ADIPOR2: variants seen among roughly 807,000 people sequenced by gnomAD.
ADIPOR2 encodes adiponectin receptor protein 2.
In ADIPOR2, 18 loss-of-function variants were observed where a neutral mutation model predicts 40.9. The observed-to-expected ratio is 0.44, with a 90% confidence interval of 0.30 to 0.65. The LOEUF is 0.65. Among genes scored for constraint, ADIPOR2 ranks in the 30% least tolerant of loss-of-function variants. ADIPOR2 has a pLI of 0.09. For missense variants in ADIPOR2, 283 were observed against 479.2 expected (o/e 0.59, Z 3.82); for synonymous variants, 165 against 166.4 (o/e 0.99, Z 0.06).
chr12:1,748,046 A>T (rs1307898435), intron 1 of ADIPOR2, among the ~76,000 whole-genome samples: 1 of 152,018 alleles, frequency 6.6e-6, no homozygotes, highest in Non-Finnish European at 1.5e-5. Flanking sequence ...CTTTTAGAGT[A>T]CCAAACTGTG....
chr12:1,735,110 A>C (rs1453346893), intron 1 of ADIPOR2, among the ~76,000 whole-genome samples: 4 of 152,158 alleles, frequency 2.6e-5, no homozygotes, highest in African/African-American at 7.2e-5. Flanking sequence ...ACTTTAAAGT[A>C]GTTTTTTCGA....
At chr12:1,745,742 C>T (rs1220584769) in intron 1 of ADIPOR2, among the ~76,000 whole-genome samples, 1 of 152,144 alleles carries the variant, frequency 6.6e-6, no homozygotes, top group Non-Finnish European at 1.5e-5. Flanking sequence ...TTTGTTCTTG[C>T]TTCAATTTTA....
chr12:1,731,925 C>T (rs1021260359), intron 1 of ADIPOR2, among the ~76,000 whole-genome samples: 5 of 152,026 alleles, frequency 3.3e-5, no homozygotes, highest in African/African-American at 1.2e-4. Context: ...GATCGTGCAG[C>T]TGCACTCTAG....
chr12:1,722,209 G>A (rs1462677689), intron 1 of ADIPOR2, among the ~76,000 whole-genome samples: 1 of 152,194 alleles, frequency 6.6e-6, no homozygotes, highest in East Asian at 1.9e-4. Flanking sequence ...GCTGTGTTTT[G>A]AAGATTGAAT....
intron 1 of ADIPOR2, among the ~76,000 whole-genome samples, chr12:1,698,343 A>G (rs576041991): frequency 6.6e-6 from 1 of 152,076 alleles, no homozygotes; most frequent in African/African-American, 2.4e-5. Context: ...AGTCCTCCCA[A>G]CTGAGACTCC....
chr12:1,693,249 A>G (rs2094630985), intron 1 of ADIPOR2, among the ~76,000 whole-genome samples: 1 of 151,874 alleles, frequency 6.6e-6, no homozygotes, highest in Non-Finnish European at 1.5e-5. Context: ...ACAGCAGCAG[A>G]GTTGAGTAGT....
intron 1 of ADIPOR2, among the ~76,000 whole-genome samples, chr12:1,719,203 A>G (rs989829521): frequency 1.3e-5 from 2 of 151,990 alleles, no homozygotes; most frequent in South Asian, 4.2e-4. Flanking sequence ...GAGTATTTAG[A>G]AAGTACTCCA....
At chr12:1,775,559 T>C (rs554739835) in intron 3 of ADIPOR2, among the ~76,000 whole-genome samples, 1 of 152,348 alleles carries the variant, frequency 6.6e-6, no homozygotes, top group East Asian at 1.9e-4. Flanking sequence ...CTTTTGTCTG[T>C]GTGGGGTAGC....
At chr12:1,714,420 G>T (rs916358746) in intron 1 of ADIPOR2, among the ~76,000 whole-genome samples, 1 of 152,082 alleles carries the variant, frequency 6.6e-6, no homozygotes, top group African/African-American at 2.4e-5. Flanking sequence ...AGCTGACTGG[G>T]TAATAAACTT....
At chr12:1,748,885 C>T (rs1304608870) in intron 1 of ADIPOR2, among the ~76,000 whole-genome samples, 3 of 151,782 alleles carry the variant, frequency 2.0e-5, no homozygotes, top group South Asian at 2.1e-4. Context: ...TAATTCAGTT[C>T]GACACTATCT....
rs1208393203 is a variant in ADIPOR2 at position 1,757,227 on chromosome 12, C to T, written c.171+2713C>T. 1.6e-5 allele frequency: 8 copies of T among 506,118 alleles called. No homozygotes were observed. In the Admixed American group the frequency reaches 2.0e-4, roughly 13 times the overall value. The allele number at this position is 506,118 out of a possible 1,614,324, so 31.4% of individuals were successfully genotyped here. A position where few individuals can be genotyped will look rare whatever the true frequency, so the allele number is the denominator to read the frequency against. ...AAGATCTAACATGTCACCCAGGGACCATTTCACCCACTGCTCTGTTTGGTC... is the reference window on the plus strand; with the variant it reads ...AAGATCTAACATGTCACCCAGGGACTATTTCACCCACTGCTCTGTTTGGTC... On this transcript the variant is annotated intron_variant, in intron 2 of 7. Coordinates refer to ENST00000357103, the MANE Select transcript of ADIPOR2 (RefSeq NM_024551.3).
At chr12:1,699,260 C>G (rs1340371721) in intron 1 of ADIPOR2, among the ~76,000 whole-genome samples, 1 of 152,036 alleles carries the variant, frequency 6.6e-6, no homozygotes, top group East Asian at 1.9e-4. Flanking sequence ...GGGGTTACTG[C>G]TGAGTGAAGT....
intron 2 of ADIPOR2, among the ~76,000 whole-genome samples, chr12:1,767,269 C>CAAAAA (rs61401998): frequency 9.1e-5 from 8 of 87,462 alleles, no homozygotes; most frequent in Non-Finnish European, 1.4e-4. Flanking sequence ...AAGACTTCGT[C>CAAAAA]AAAAAAAAAA....
At chr12:1,766,818 T>C (rs924382262) in intron 2 of ADIPOR2, among the ~76,000 whole-genome samples, 11 of 152,230 alleles carry the variant, frequency 7.2e-5, no homozygotes, top group African/African-American at 2.7e-4. Context: ...TAAGGAACTT[T>C]TATTCATTCA....
At chr12:1,704,078 G>A (rs1263856462) in intron 1 of ADIPOR2, among the ~76,000 whole-genome samples, 1 of 48,444 alleles carries the variant, frequency 2.1e-5, no homozygotes, top group African/African-American at 1.1e-4. Flanking sequence ...TTTTTTTTTT[G>A]GTGTGTGATG....
At chr12:1,754,699 TTACTACTACTACTACTACTACTACTAC>T (rs59598626) in intron 2 of ADIPOR2, among the ~76,000 whole-genome samples, 185 bp downstream of exon 2, 1 of 103,542 alleles carries the variant, frequency 9.7e-6, no homozygotes, top group East Asian at 3.0e-4. Flanking sequence ...ATTATTATTA[TTACTACTACTACTACTACTACTACTAC>T]TACTACTACT....
intron 1 of ADIPOR2, among the ~76,000 whole-genome samples, chr12:1,731,820 C>T (rs1406915419): frequency 4.6e-5 from 7 of 152,076 alleles, no homozygotes; most frequent in African/African-American, 1.4e-4. Context: ...ATTAGCCGGG[C>T]GTGGTGGCTG....
At chr12:1,757,606 A>G in intron 2 of ADIPOR2, 1 of 1,234,524 alleles carries the variant, frequency 8.1e-7, no homozygotes, top group East Asian at 2.3e-5. Flanking sequence ...ATCATGAGTC[A>G]CCAGATGAGG....
chr12:1,770,591 T>TA (rs1229814640), intron 2 of ADIPOR2, among the ~76,000 whole-genome samples: 4 of 152,362 alleles, frequency 2.6e-5, no homozygotes, highest in African/African-American at 7.2e-5. Flanking sequence ...CAGCCCTCAT[T>TA]AACTTATTGT....
Sources: allele counts gnomAD v4.1 joint callset (sites outside exome capture counted in the v4.1 genomes callset), GRCh38; gene constraint gnomAD v4.1.1; transcripts MANE v1.5; gene names NCBI Gene and HGNC (gene_info 2026-07-23, HGNC 2026-07-21).